MGA: variants seen among roughly 807,000 people sequenced by gnomAD.
The protein encoded by MGA is MAX gene-associated protein.
A neutral mutation model predicts 261.1 loss-of-function variants in MGA; 40 were observed. The observed-to-expected ratio is 0.15, with a 90% CI of 0.12 to 0.20. The LOEUF is 0.20. MGA is among the 10% of genes least tolerant of loss of function. MGA has a pLI of 1.00. For missense variants in MGA, 3,397 were observed against 3,630.5 expected (o/e 0.94, Z 1.65); for synonymous variants, 1,302 against 1,290.6 (o/e 1.01, Z -0.19).
At chr15:41,747,904 T>C (rs902512070) in intron 15 of MGA, among the ~76,000 whole-genome samples, 3 of 152,190 alleles carry the variant, frequency 2.0e-5, no homozygotes. Context: ...ATTATGAAAC[T>C]ACAGAATTTC....
intron 1 of MGA, among the ~76,000 whole-genome samples, chr15:41,667,630 T>C (rs1228547632): frequency 5.9e-5 from 9 of 152,140 alleles, no homozygotes; most frequent in Non-Finnish European, 1.3e-4. Flanking sequence ...TCCTCCTGCC[T>C]TGGCCTCCCA....
chr15:41,679,300 G>C (rs1300993565), intron 2 of MGA, among the ~76,000 whole-genome samples: 2 of 152,108 alleles, frequency 1.3e-5, no homozygotes, highest in East Asian at 3.9e-4. Context: ...CTCCCAAAGT[G>C]CTGGGATTAC....
chr15:41,713,665 AAC>A (rs1176694586), intron 9 of MGA, among the ~76,000 whole-genome samples, 169 bp downstream of exon 9: 8 of 152,162 alleles, frequency 5.3e-5, no homozygotes, highest in African/African-American at 1.9e-4. Context: ...GATGCACACA[AAC>A]ACACACCTTT....
At chr15:41,633,556 T>C (rs898779445) in intron 1 of MGA, among the ~76,000 whole-genome samples, 2 of 151,838 alleles carry the variant, frequency 1.3e-5, no homozygotes, top group Admixed American at 1.3e-4. Context: ...GAAATCAAAA[T>C]CTGAATTGAG....
At chr15:41,715,640 A>C (rs2151530480) in intron 9 of MGA, among the ~76,000 whole-genome samples, 1 of 152,282 alleles carries the variant, frequency 6.6e-6, no homozygotes, top group South Asian at 2.1e-4. Context: ...CTACTGAATT[A>C]AAATGTCACC....
rs143056746 is a variant in MGA, at chr15:41,678,807, C to G, written c.1064+8849C>G. ...CACAAAATGAAAAGACTGTCCTTTT[C>G]CCATTGAATGGTCTTTGCACCTGTT... On this transcript the variant is annotated intron_variant, in intron 2 of 23. Coordinates refer to ENST00000219905, the MANE Select transcript of MGA (RefSeq NM_001164273.2). Among the ~76,000 whole-genome samples, 492 of 151,558 alleles carry G rather than the reference C, an allele frequency of 3.2e-3. 12 individuals carry two copies. The highest frequency in any genetic ancestry group is 0.028 in the Admixed American group (420 of 15,220).
intron 1 of MGA, among the ~76,000 whole-genome samples, chr15:41,654,431 G>T (rs1309426458): frequency 6.6e-6 from 1 of 152,004 alleles, no homozygotes; most frequent in Non-Finnish European, 1.5e-5. Flanking sequence ...GGTAAATTTT[G>T]TTCACCTTAT....
chr15:41,644,346 CA>C (rs34743222), intron 1 of MGA, among the ~76,000 whole-genome samples: 31,547 of 66,184 alleles, frequency 0.48, 5,494 homozygotes, highest in Middle Eastern at 0.62. Context: ...CCATCTGTAC[CA>C]AAAAAAAAAA....
intron 1 of MGA, among the ~76,000 whole-genome samples, chr15:41,626,430 A>T (rs182202119): frequency 0.011 from 1,713 of 151,072 alleles, 13 homozygotes; most frequent in South Asian, 0.025. Flanking sequence ...TTTTTTTTTT[A>T]AAATTTTTTT....
At chr15:41,663,951 C>T (rs2057570808) in intron 1 of MGA, among the ~76,000 whole-genome samples, 1 of 152,096 alleles carries the variant, frequency 6.6e-6, no homozygotes, top group Admixed American at 6.5e-5. Context: ...TAGCTCCAAA[C>T]CTAGGCATAT....
chr15:41,679,923 G>A, intron 2 of MGA, among the ~76,000 whole-genome samples: 1 of 152,090 alleles, frequency 6.6e-6, no homozygotes, highest in Non-Finnish European at 1.5e-5. Context: ...AAAAGTGGGA[G>A]CATTATGGTT....
Position 41,749,698 on chromosome 15 carries a change from C to T in MGA, c.6091C>T (p.His2031Tyr). The change falls in exon 17 of 24, where the codon CAT becomes TAT. Residue 2031 changes from histidine (H) to tyrosine (Y), a missense_variant. Transcript: ENST00000219905. ...TGATTCCTTGGAAGATAGGGGTGATCATTTGGATGAAGAATGCCTTCCAGA... is the reference window on the plus strand; with the variant it reads ...TGATTCCTTGGAAGATAGGGGTGATTATTTGGATGAAGAATGCCTTCCAGA... 1 of 1,613,994 alleles carries T rather than the reference C, an allele frequency of 6.2e-7. No homozygotes were observed. The highest frequency in any genetic ancestry group is 8.5e-7 in the Non-Finnish European group (1 of 1,179,886).
intron 9 of MGA, among the ~76,000 whole-genome samples, chr15:41,721,238 T>C (rs1160181333): frequency 6.6e-6 from 1 of 151,936 alleles, no homozygotes; most frequent in African/African-American, 2.4e-5. Flanking sequence ...GAGGCTGAGG[T>C]GGGTGGATTA....
chr15:41,622,809 AAAG>A (rs936483471), intron 1 of MGA, among the ~76,000 whole-genome samples: 3 of 152,220 alleles, frequency 2.0e-5, no homozygotes, highest in African/African-American at 7.2e-5. Context: ...TCATTTCACC[AAAG>A]AAGGGTCAAG....
At chr15:41,663,950 A>C (rs1015362208) in intron 1 of MGA, among the ~76,000 whole-genome samples, 1 of 152,198 alleles carries the variant, frequency 6.6e-6, no homozygotes, top group Non-Finnish European at 1.5e-5. Context: ...GTAGCTCCAA[A>C]CCTAGGCATA....
rs1376909637 is a variant in MGA, at chr15:41,766,915, A to G, written c.8833A>G (p.Ile2945Val). Residue 2945 changes from isoleucine to valine, a missense_variant, in exon 24 of 24, where the codon ATT (isoleucine) becomes GTT (valine). By Grantham distance (29) the Ile-to-Val change is conservative. Transcript: ENST00000219905. ...TTCCCTCCTTTCCAACAAGAAAGCTATTGATGGAGGGAAGAATACTTCTGG... is the reference window on the plus strand; with the variant it reads ...TTCCCTCCTTTCCAACAAGAAAGCTGTTGATGGAGGGAAGAATACTTCTGG... The G allele has an allele frequency of 6.2e-7, 1 of 1,613,998 alleles. No individual in the cohort carries two copies. Among genetic ancestry groups the G allele is most frequent in the Non-Finnish European group, 8.5e-7 (1 of 1,179,890 alleles).
Position 41,750,150 on chromosome 15 carries a change from C to G in MGA, c.6543C>G (p.Pro2181=), listed in dbSNP as rs2062752388. Reference sequence around the variant, plus strand: ...GATGGAGAAAACATCTGAAGGGCCCCTTAACCAGGAAATGTGTTGGAGCTT... The same window carrying G: ...GATGGAGAAAACATCTGAAGGGCCCGTTAACCAGGAAATGTGTTGGAGCTT... The change falls in exon 17 of 24, where the codon CCC becomes CCG. Residue 2181 remains proline (P), a synonymous_variant. Transcript: ENST00000219905. The G allele has an allele frequency of 6.2e-7, 1 of 1,613,824 alleles. No individual in the cohort carries two copies. Among genetic ancestry groups the G allele is most frequent in the African/African-American group, 1.3e-5 (1 of 74,930 alleles).
intron 18 of MGA, among the ~76,000 whole-genome samples, chr15:41,757,420 G>A (rs992852297): frequency 1.3e-5 from 2 of 152,148 alleles, no homozygotes; most frequent in Non-Finnish European, 2.9e-5. Context: ...ATGATTTATA[G>A]TATACAGGAG....
At chr15:41,707,330 G>A (rs1026880589) in intron 5 of MGA, among the ~76,000 whole-genome samples, 11 of 152,184 alleles carry the variant, frequency 7.2e-5, no homozygotes, top group African/African-American at 2.7e-4. Flanking sequence ...CTTGGTTGGA[G>A]AGGGATCTGC....
Sources: gnomAD v4.1 joint callset for allele counts (sites outside exome capture counted in the v4.1 genomes callset) on GRCh38, gnomAD v4.1.1 for gene constraint, MANE v1.5 for transcripts, NCBI Gene and HGNC (gene_info 2026-07-23, HGNC 2026-07-21) for gene names.